Variants in AK5 observed in about 807,000 individuals in gnomAD.
The protein encoded by AK5 is adenylate kinase isoenzyme 5.
A neutral mutation model predicts 69.5 loss-of-function variants in AK5; 27 were observed. That is an observed-to-expected ratio of 0.39 (90% confidence interval 0.29 to 0.54). The LOEUF is 0.54. Among genes scored for constraint, AK5 ranks in the 20% least tolerant of loss-of-function variants. The pLI, the probability that AK5 is intolerant of heterozygous loss-of-function variation, is 0.71. For missense variants in AK5, 531 were observed against 700.4 expected (o/e 0.76, Z 2.73); for synonymous variants, 260 against 244.4 (o/e 1.06, Z -0.60).
rs1553139660 is a variant in AK5, at chr1:77,367,555, T to TATATATATA, written c.891+26987_891+26988insATATATATA. Reference sequence around the variant, plus strand: ...TGTTGCCCAGACTCATTTATGTTATTTTTATATATATATATATATATATAA... The same window carrying TATATATATA: ...TGTTGCCCAGACTCATTTATGTTATTATATATATATTTATATATATATATATATATATAA... On this transcript the variant is annotated intron_variant, in intron 6 of 13. Transcript: ENST00000354567. 3.6e-3 allele frequency among the ~76,000 whole-genome samples: 211 copies of TATATATATA among 59,308 alleles called. 13 individuals carry two copies. The highest frequency in any genetic ancestry group is 0.018 in the African/African-American group (199 of 10,836). 38.9% of individuals were successfully genotyped at this position (59,308 alleles called of 152,430 possible).
intron 6 of AK5, among the ~76,000 whole-genome samples, chr1:77,400,933 TAA>T (rs71689422): frequency 0.083 from 9,535 of 115,176 alleles, 452 homozygotes; most frequent in South Asian, 0.19. Flanking sequence ...TTCATTCTGT[TAA>T]AAAAAAAAAA....
At chr1:77,475,954 G>A (rs760221317) in intron 8 of AK5, among the ~76,000 whole-genome samples, 1 of 152,080 alleles carries the variant, frequency 6.6e-6, no homozygotes, top group Non-Finnish European at 1.5e-5. Context: ...GGAACTTAGA[G>A]AAAAACAGTG....
chr1:77,384,466 G>A (rs1647864546), intron 6 of AK5, among the ~76,000 whole-genome samples: 2 of 152,022 alleles, frequency 1.3e-5, no homozygotes, highest in African/African-American at 2.4e-5. Flanking sequence ...TGCTACAGGT[G>A]GACATTACTG....
chr1:77,325,608 C>T lies in AK5; in HGVS notation c.700-14769C>T, dbSNP rs570236547. Among the ~76,000 whole-genome samples the T allele has an allele frequency of 5.8e-4, 88 of 152,252 alleles. No individual in the cohort carries two copies. In the Middle Eastern group the frequency reaches 0.017, roughly 29 times the overall value. Reference sequence around the variant, plus strand: ...GGCCCTCTTCTCTACCTCTGTTACACCCTGTGCTGGTCTCCATTTTGGGAC... The same window carrying T: ...GGCCCTCTTCTCTACCTCTGTTACATCCTGTGCTGGTCTCCATTTTGGGAC... On this transcript the variant is annotated intron_variant, in intron 5 of 13. Coordinates refer to ENST00000354567, the MANE Select transcript of AK5 (RefSeq NM_174858.3).
At chr1:77,410,869 G>A (rs1649996570) in intron 6 of AK5, 112 bp from the exon 7 acceptor site, 3 of 784,538 alleles carry the variant, frequency 3.8e-6, no homozygotes, top group Admixed American at 5.0e-5. Context: ...TTTAATTCCT[G>A]TTGTTCTGCT....
intron 8 of AK5, among the ~76,000 whole-genome samples, chr1:77,424,814 G>A (rs538517018): frequency 6.6e-6 from 1 of 152,266 alleles, no homozygotes; most frequent in Admixed American, 6.5e-5. Context: ...GGGAATACCA[G>A]AAGGAAAAGA....
intron 13 of AK5, among the ~76,000 whole-genome samples, chr1:77,537,101 C>T (rs959445579): frequency 2.0e-5 from 3 of 152,046 alleles, no homozygotes; most frequent in East Asian, 1.9e-4. Context: ...GAGAGACAAA[C>T]GTGTGATCAC....
chr1:77,395,439 C>A (rs996806131), intron 6 of AK5, among the ~76,000 whole-genome samples: 7 of 152,196 alleles, frequency 4.6e-5, no homozygotes, highest in Non-Finnish European at 8.8e-5. Context: ...GCATCTGTTG[C>A]TTTGCAAAGA....
intron 5 of AK5, among the ~76,000 whole-genome samples, chr1:77,308,721 T>G (rs1231953223): frequency 6.6e-6 from 1 of 152,146 alleles, no homozygotes; most frequent in Non-Finnish European, 1.5e-5. Flanking sequence ...GCAGTAAAGC[T>G]GAAACTAATA....
chr1:77,311,391 G>A (rs767628914), intron 5 of AK5, among the ~76,000 whole-genome samples: 6 of 152,172 alleles, frequency 3.9e-5, no homozygotes, highest in African/African-American at 7.2e-5. Flanking sequence ...TAGCATCAGC[G>A]AAGTATAGTA....
Position 77,558,744 on chromosome 1 carries a change from A to AGTT in AK5, c.*75_*77dup, listed in dbSNP as rs1660270460. 2.7e-6 allele frequency: 3 copies of AGTT among 1,124,464 alleles called. No individual in the cohort carries two copies. Among genetic ancestry groups the AGTT allele is most frequent in the African/African-American group, 1.5e-5 (1 of 66,484 alleles). 69.7% of individuals were successfully genotyped at this position (1,124,464 alleles called of 1,614,324 possible). On this transcript the variant is annotated 3_prime_UTR_variant, in exon 14 of 14. Transcript: ENST00000354567. ...GTTCATTCCTTAACACAATGTTTCA[A>AGTT]GTTAAACCTTTTGTGTCACCGCCCC... is the stretch of plus-strand genomic sequence containing the variant.
chr1:77,402,670 C>T (rs1649314321), intron 6 of AK5, among the ~76,000 whole-genome samples: 1 of 151,668 alleles, frequency 6.6e-6, no homozygotes, highest in Non-Finnish European at 1.5e-5. Flanking sequence ...GTATATGTGC[C>T]ACATTTTCTT....
At chr1:77,479,448 C>T (rs1459397024) in intron 8 of AK5, among the ~76,000 whole-genome samples, 1 of 152,056 alleles carries the variant, frequency 6.6e-6, no homozygotes, top group Non-Finnish European at 1.5e-5. Flanking sequence ...TCAGGTGATC[C>T]GTCTGCCTTG....
intron 8 of AK5, among the ~76,000 whole-genome samples, chr1:77,452,316 C>T (rs1206123913): frequency 6.6e-6 from 1 of 152,080 alleles, no homozygotes; most frequent in Non-Finnish European, 1.5e-5. Context: ...CTTTAATTTT[C>T]AATAAATGCC....
At position 77,502,888 on chromosome 1, in the gene AK5, C is replaced by A. The variant is rs146999587; in HGVS notation, c.1148-15676C>A. On this transcript the variant is annotated intron_variant, in intron 10 of 13. Coordinates refer to ENST00000354567, the MANE Select transcript of AK5 (RefSeq NM_174858.3). ...CTCACCAAAGCCCCAGGAATGCCAC[C>A]CCCTCTCACACCCTGCTGTGGTATA... Among the ~76,000 whole-genome samples, 81 of 152,296 alleles carry A rather than the reference C, an allele frequency of 5.3e-4. 1 individual carries two copies. Among genetic ancestry groups the A allele is most frequent in the Middle Eastern group, 3.4e-3 (1 of 294 alleles).
At chr1:77,365,596 T>A (rs1460086180) in intron 6 of AK5, among the ~76,000 whole-genome samples, 2 of 152,232 alleles carry the variant, frequency 1.3e-5, no homozygotes, top group Non-Finnish European at 2.9e-5. Context: ...AGGCATTAGT[T>A]AGATTCTCAT....
At chr1:77,448,769 A>G in intron 8 of AK5, among the ~76,000 whole-genome samples, 1 of 152,170 alleles carries the variant, frequency 6.6e-6, no homozygotes, top group South Asian at 2.1e-4. Flanking sequence ...GGGAACCCAG[A>G]CTTAGGAACT....
chr1:77,459,524 A>T (rs915628611), intron 8 of AK5, among the ~76,000 whole-genome samples: 5 of 152,192 alleles, frequency 3.3e-5, no homozygotes, highest in African/African-American at 1.2e-4. Flanking sequence ...AATCATCTAG[A>T]ACACTGATTA....
chr1:77,440,294 A>G (rs1652245532), intron 8 of AK5, among the ~76,000 whole-genome samples: 2 of 152,104 alleles, frequency 1.3e-5, no homozygotes, highest in East Asian at 1.9e-4. Flanking sequence ...TGAATATGTC[A>G]TCTCATTTTC....
Sources: gnomAD v4.1 joint callset for allele counts (sites outside exome capture counted in the v4.1 genomes callset) on GRCh38, gnomAD v4.1.1 for gene constraint, MANE v1.5 for transcripts, NCBI Gene and HGNC (gene_info 2026-07-23, HGNC 2026-07-21) for gene names.